MXD4: variants seen among roughly 807,000 people sequenced by gnomAD.
The protein encoded by MXD4 is Mad4 homolog.
Under a neutral mutation model 24.5 loss-of-function variants are expected in MXD4, and 16 were observed. The observed-to-expected ratio is 0.65, with a 90% CI of 0.44 to 0.99. MXD4 has a LOEUF of 0.99. Ranked by LOEUF, MXD4 falls within the 50% of genes least tolerant of loss-of-function variation. MXD4 has a pLI of 0.00. For synonymous variants in MXD4, 164 were observed against 134.2 expected, an observed-to-expected ratio of 1.22 and a Z score of -1.54; for missense variants, 301 against 301.5, an observed-to-expected ratio of 1.00 and a Z score of 0.01.
intron 3 of MXD4, chr4:2,255,415 A>T: frequency 2.2e-6 from 1 of 456,152 alleles, no homozygotes; most frequent in Non-Finnish European, 4.4e-6. Context: ...ACCCAGTAAC[A>T]GGTCCACCTG....
intron 3 of MXD4, chr4:2,253,708 C>G (rs1034485759): frequency 6.6e-5 from 10 of 152,324 alleles, no homozygotes; most frequent in African/African-American, 2.4e-4. Flanking sequence ...CAGGGACAGC[C>G]ATTTCCTCTG....
intron 3 of MXD4, chr4:2,254,893 A>C (rs2108789794): frequency 5.7e-6 from 1 of 175,374 alleles, no homozygotes; most frequent in African/African-American, 2.4e-5. Context: ...AAAAGGGGAC[A>C]CAGGTCTGAA....
intron 3 of MXD4, among the ~76,000 whole-genome samples, chr4:2,256,761 T>G (rs1224337774): frequency 6.6e-6 from 1 of 151,800 alleles, no homozygotes; most frequent in African/African-American, 2.4e-5. Flanking sequence ...GCTGCAGGGG[T>G]CCCCTGTCCT....
chr4:2,257,573 G>A (rs1410949401), intron 3 of MXD4, among the ~76,000 whole-genome samples: 1 of 152,256 alleles, frequency 6.6e-6, no homozygotes, highest in African/African-American at 2.4e-5. Flanking sequence ...GGGACTGGCT[G>A]CCCTCCATCT....
rs375115591 is a variant in MXD4 at position 2,250,712 on chromosome 4, T to A, written c.473-11A>T. The A allele has an allele frequency of 3.7e-6, 6 of 1,611,492 alleles. No homozygotes were observed. The highest frequency in any genetic ancestry group is 1.3e-5 in the African/African-American group (1 of 74,882). ...CCTCTATGTCCACTTCTAGGGAGAA[T>A]AGAGTGGGGATGGGGTCAGGCCACT... On this transcript the variant is annotated splice_polypyrimidine_tract_variant and intron_variant, in intron 5 of 5. Coordinates refer to ENST00000337190, the MANE Select transcript of MXD4 (RefSeq NM_006454.3).
At position 2,257,973 on chromosome 4, in the gene MXD4, G is replaced by C; in HGVS notation, c.194+9C>G. Reference sequence around the variant, plus strand: ...TCGGGCTCATGTGGGGAACTGGGGGGTCACTTACCTGTGCTTTTCTAGCTC... The same window carrying C: ...TCGGGCTCATGTGGGGAACTGGGGGCTCACTTACCTGTGCTTTTCTAGCTC... On this transcript the variant is annotated intron_variant, in intron 3 of 5. Transcript: ENST00000337190. 1 of 1,613,704 alleles carries C rather than the reference G, an allele frequency of 6.2e-7. No homozygotes were observed. The highest frequency in any genetic ancestry group is 2.2e-5 in the East Asian group (1 of 44,886).
rs895307104 is a variant in MXD4 at position 2,248,234 on chromosome 4, G to A, written c.*2310C>T. ...GGGAGGGGCAGCTGAACAGCACCCC[G>A]GGTGGCTGAGACTGCCTCCCAGTCC... On this transcript the variant is annotated 3_prime_UTR_variant, in exon 6 of 6. Coordinates refer to ENST00000337190, the MANE Select transcript of MXD4 (RefSeq NM_006454.3). 3 of 152,538 alleles carry A rather than the reference G, an allele frequency of 2.0e-5. No homozygotes were observed. Among genetic ancestry groups the A allele is most frequent in the Non-Finnish European group, 2.9e-5 (2 of 68,118 alleles). The allele number at this position is 152,538 out of a possible 1,614,324, so 9.4% of individuals were successfully genotyped here.
chr4:2,251,365 G>A (rs1735319787), intron 4 of MXD4, 119 bp from the exon 5 acceptor site: 3 of 1,273,806 alleles, frequency 2.4e-6, no homozygotes, highest in Non-Finnish European at 3.1e-6. Context: ...CCAAGACCTA[G>A]CCAAGGCTAC....
chr4:2,256,593 C>T (rs1224792353), intron 3 of MXD4, among the ~76,000 whole-genome samples: 1 of 152,154 alleles, frequency 6.6e-6, no homozygotes, highest in Non-Finnish European at 1.5e-5. Context: ...CTTGGCCAGC[C>T]AGAGACAGAG....
intron 3 of MXD4, chr4:2,254,325 A>G (rs775329913): frequency 1.3e-5 from 2 of 152,266 alleles, no homozygotes; most frequent in Non-Finnish European, 2.9e-5. Context: ...ACGGAACCAC[A>G]TAGGTGACAA....
In MXD4 at chr4:2,256,896, G is replaced by A. The variant is rs571987803; in HGVS notation, c.194+1086C>T. On this transcript the variant is annotated intron_variant, in intron 3 of 5. Transcript: ENST00000337190. ...GGAAGCCTTCCCTGAACACCCCCAC[G>A]TGCCTGCCCCGGCTCCTGGGTCCTG... Among the ~76,000 whole-genome samples, 320 of 151,336 alleles carry A rather than the reference G, an allele frequency of 2.1e-3. 1 individual carries two copies. Among genetic ancestry groups the A allele is most frequent in the African/African-American group, 7.2e-3 (297 of 41,324 alleles).
rs780519310 is a variant in MXD4 at position 2,261,718 on chromosome 4, G to A, written c.164+7C>T. 1.5e-6 allele frequency: 2 copies of A among 1,367,790 alleles called. No individual in the cohort carries two copies. The highest frequency in any genetic ancestry group is 1.5e-5 in the South Asian group (1 of 66,948). 84.7% of individuals were successfully genotyped at this position (1,367,790 alleles called of 1,614,324 possible). ...GGCCGGGCGGGGTCGGGAGCGGGGG[G>A]CGGTACCTGTTGTTCGGGGCCTTGC... On this transcript the variant is annotated splice_region_variant and intron_variant, in intron 2 of 5. Transcript: ENST00000337190.
intron 4 of MXD4, 44 bp downstream of exon 4, chr4:2,252,362 ACT>A: frequency 1.3e-6 from 2 of 1,503,410 alleles, no homozygotes; most frequent in Non-Finnish European, 1.8e-6. Flanking sequence ...GTGCAGGGAC[ACT>A]GAGGCAGCCA....
rs1408313143 is a variant in MXD4, at chr4:2,248,559, G to A, written c.*1985C>T. ...TGGGGGGACAGACTCAGGCAGGCAG[G>A]GGAAGCTCCTTTCTGGGCACCCCTG... On this transcript the variant is annotated 3_prime_UTR_variant, in exon 6 of 6. Coordinates refer to ENST00000337190, the MANE Select transcript of MXD4 (RefSeq NM_006454.3). 1 of 152,420 alleles carries A rather than the reference G, an allele frequency of 6.6e-6. No homozygotes were observed. The highest frequency in any genetic ancestry group is 1.5e-5 in the Non-Finnish European group (1 of 68,234). 9.4% of individuals were successfully genotyped at this position (152,420 alleles called of 1,614,324 possible). A position where few individuals can be genotyped will look rare whatever the true frequency, so the allele number is the denominator to read the frequency against.
chr4:2,250,434 G>C lies in MXD4; in HGVS notation c.*110C>G, dbSNP rs556281141. 1.4e-5 allele frequency: 19 copies of C among 1,312,842 alleles called. 1 individual carries two copies. The highest frequency in any genetic ancestry group is 2.8e-4 in the Middle Eastern group (1 of 3,626). 81.3% of individuals were successfully genotyped at this position (1,312,842 alleles called of 1,614,324 possible). On this transcript the variant is annotated 3_prime_UTR_variant, in exon 6 of 6. Coordinates refer to ENST00000337190, the MANE Select transcript of MXD4 (RefSeq NM_006454.3). Reference sequence around the variant, plus strand: ...AGCCCAGCAGCAGCTGGAGCTTCCAGAATGGCACAGCAGTGGGCCTGTGGA... The same window carrying C: ...AGCCCAGCAGCAGCTGGAGCTTCCACAATGGCACAGCAGTGGGCCTGTGGA...
chr4:2,251,386 G>T (rs1232706180), intron 4 of MXD4, 140 bp from the exon 5 acceptor site: 2 of 1,097,240 alleles, frequency 1.8e-6, no homozygotes, highest in East Asian at 2.7e-5. Flanking sequence ...AGGCCACAGG[G>T]TGCCCAGTCT....
chr4:2,254,801 C>T (rs1735393335), intron 3 of MXD4: 1 of 158,944 alleles, frequency 6.3e-6, no homozygotes, highest in African/African-American at 2.4e-5. Context: ...CAACTTGCAC[C>T]CTCCGACAGG....
chr4:2,258,661 G>A (rs912955206), intron 2 of MXD4, among the ~76,000 whole-genome samples: 6 of 152,228 alleles, frequency 3.9e-5, no homozygotes, highest in South Asian at 2.1e-4. Context: ...ACACACCTGC[G>A]TGACCACAGC....
At chr4:2,257,027 G>A (rs1262349884) in intron 3 of MXD4, among the ~76,000 whole-genome samples, 3 of 152,140 alleles carry the variant, frequency 2.0e-5, no homozygotes, top group Non-Finnish European at 2.9e-5. Flanking sequence ...GGAACCCCCC[G>A]AAACACACAT....
Sources: gnomAD v4.1 joint callset for allele counts (sites outside exome capture counted in the v4.1 genomes callset) on GRCh38, gnomAD v4.1.1 for gene constraint, MANE v1.5 for transcripts, NCBI Gene and HGNC (gene_info 2026-07-23, HGNC 2026-07-21) for gene names.